Variants in LRRC63 observed in about 807,000 individuals in gnomAD.
LRRC63 encodes the protein leucine rich repeat containing 63, also known as leucine-rich repeat-containing protein 63.
Under a neutral mutation model 49.5 loss-of-function variants are expected in LRRC63, and 40 were observed. That is an observed-to-expected ratio of 0.81 (90% confidence interval 0.63 to 1.05). The LOEUF is 1.05. Ranked by LOEUF, LRRC63 falls within the 50% of genes least tolerant of loss-of-function variation. The probability of loss-of-function intolerance (pLI) is 0.00; values close to 1 mark genes in which losing one functional copy is unlikely to be tolerated. For missense variants in LRRC63, 636 were observed against 663.1 expected, an observed-to-expected ratio of 0.96 and a Z score of 0.45; for synonymous variants, 191 against 221.1, an observed-to-expected ratio of 0.86 and a Z score of 1.21.
At chr13:46,237,909 G>A (rs909131984) in intron 5 of LRRC63, among the ~76,000 whole-genome samples, 7 of 151,940 alleles carry the variant, frequency 4.6e-5, no homozygotes, top group Non-Finnish European at 7.4e-5. Context: ...AAAAAAATCC[G>A]AGCAGATGTT....
intron 5 of LRRC63, among the ~76,000 whole-genome samples, chr13:46,235,030 G>A (rs2046866499): frequency 6.6e-6 from 1 of 152,020 alleles, no homozygotes; most frequent in South Asian, 2.1e-4. Context: ...ACATATACTG[G>A]GAAATTTGGA....
intron 9 of LRRC63, among the ~76,000 whole-genome samples, chr13:46,268,212 T>G (rs1363259292): frequency 6.6e-6 from 1 of 152,002 alleles, no homozygotes; most frequent in Non-Finnish European, 1.5e-5. Flanking sequence ...AATATAATAG[T>G]TAACATTAAC....
At chr13:46,257,944 G>A (rs1322527004) in intron 7 of LRRC63, among the ~76,000 whole-genome samples, 1 of 150,758 alleles carries the variant, frequency 6.6e-6, no homozygotes, top group Non-Finnish European at 1.5e-5. Context: ...TATTATTTTG[G>A]TACCTTCTCA....
intron 2 of LRRC63, 100 bp downstream of exon 2, chr13:46,213,219 T>A: frequency 1.4e-6 from 1 of 703,266 alleles, no homozygotes; most frequent in Non-Finnish European, 2.3e-6. Flanking sequence ...CACTCACTAA[T>A]AACTTACAAA....
chr13:46,234,218 T>G, exon 5 of LRRC63: 7 of 1,549,486 alleles, frequency 4.5e-6, no homozygotes, highest in Non-Finnish European at 6.1e-6. Context: ...AAAAATAGAA[T>G]CAGAGATACA....
rs1998724 is a variant in LRRC63, at chr13:46,246,711, A to G, written c.1089+86A>G. On this transcript the variant is annotated intron_variant, in intron 6 of 9. Transcript: ENST00000595396. ...AAATAGACGTCTTTTAATACCTTGA[A>G]GTTACTATAAAGTACTGTAAATGTA... 11,418 of 591,288 alleles carry G rather than the reference A, an allele frequency of 0.019. 1,039 individuals carry two copies. The African/African-American group carries it at 0.2, about 10-fold the overall frequency. The allele number at this position is 591,288 out of a possible 1,614,324, so 36.6% of individuals were successfully genotyped here.
intron 2 of LRRC63, among the ~76,000 whole-genome samples, chr13:46,220,615 CTA>C (rs2046378594): frequency 6.7e-6 from 1 of 149,972 alleles, no homozygotes; most frequent in Admixed American, 6.7e-5. Flanking sequence ...GTGAACAGTT[CTA>C]TCTCTCTGGC....
At chr13:46,239,482 A>T (rs2046994341) in intron 5 of LRRC63, among the ~76,000 whole-genome samples, 1 of 152,116 alleles carries the variant, frequency 6.6e-6, no homozygotes, top group Admixed American at 6.6e-5. Flanking sequence ...CTCCAAAACT[A>T]AATCAGTAAT....
intron 5 of LRRC63, among the ~76,000 whole-genome samples, chr13:46,237,696 A>G (rs2046941990): frequency 6.6e-6 from 1 of 152,208 alleles, no homozygotes; most frequent in Non-Finnish European, 1.5e-5. Context: ...TAAACAAATC[A>G]TTAGCTAGAC....
At chr13:46,228,112 G>C (rs2046632409) in exon 3 of LRRC63, 1 of 1,550,442 alleles carries the variant, frequency 6.4e-7, no homozygotes, top group Admixed American at 2.0e-5. Flanking sequence ...TTGACACTAA[G>C]AGTTACTGAA....
intron 5 of LRRC63, among the ~76,000 whole-genome samples, chr13:46,242,664 C>G (rs542658009): frequency 6.0e-4 from 90 of 150,778 alleles, no homozygotes; most frequent in African/African-American, 2.0e-3. Flanking sequence ...ATTTGAAGCA[C>G]AAAGAATAAA....
At chr13:46,232,095 G>A (rs944174621) in intron 4 of LRRC63, among the ~76,000 whole-genome samples, 6 of 152,140 alleles carry the variant, frequency 3.9e-5, no homozygotes, top group East Asian at 1.9e-4. Context: ...GATTACAGGC[G>A]TGAGCCACTG....
intron 5 of LRRC63, among the ~76,000 whole-genome samples, chr13:46,243,661 G>C (rs1302928550): frequency 6.6e-6 from 1 of 152,084 alleles, no homozygotes; most frequent in Non-Finnish European, 1.5e-5. Flanking sequence ...GACAAGGAGG[G>C]CCATCGTATA....
intron 2 of LRRC63, among the ~76,000 whole-genome samples, chr13:46,225,434 G>A (rs993722750): frequency 1.3e-5 from 2 of 152,196 alleles, no homozygotes; most frequent in Non-Finnish European, 2.9e-5. Flanking sequence ...AGGAGGAGAT[G>A]TCCTGTTCTC....
chr13:46,223,785 G>T (rs2046486836), intron 2 of LRRC63, among the ~76,000 whole-genome samples: 2 of 152,114 alleles, frequency 1.3e-5, no homozygotes, highest in Admixed American at 1.3e-4. Context: ...GAACATGGGA[G>T]GTGGAGGTTG....
intron 7 of LRRC63, among the ~76,000 whole-genome samples, chr13:46,258,116 G>GACCT (rs2047545751): frequency 6.8e-6 from 1 of 146,284 alleles, no homozygotes; most frequent in Non-Finnish European, 1.5e-5. Flanking sequence ...GCAAGCCAGT[G>GACCT]ACCTACTCTT....
At chr13:46,228,213 TA>T in intron 3 of LRRC63, 24 bp downstream of exon 3, 3 of 1,485,906 alleles carry the variant, frequency 2.0e-6, no homozygotes, top group Non-Finnish European at 9.0e-7. Context: ...GAACACGGTA[TA>T]ATTATAGAGT....
At chr13:46,239,628 A>T (rs1021817151) in intron 5 of LRRC63, among the ~76,000 whole-genome samples, 1 of 152,196 alleles carries the variant, frequency 6.6e-6, no homozygotes, top group Admixed American at 6.5e-5. Context: ...CTCCTCCCTA[A>T]CTGATTCAGT....
At chr13:46,213,295 G>C (rs1206755812) in intron 2 of LRRC63, among the ~76,000 whole-genome samples, 176 bp downstream of exon 2, 1 of 152,136 alleles carries the variant, frequency 6.6e-6, no homozygotes, top group Non-Finnish European at 1.5e-5. Context: ...CTTATTGGTG[G>C]ACTTAGTAGA....
Sources: allele counts gnomAD v4.1 joint callset (sites outside exome capture counted in the v4.1 genomes callset), GRCh38; gene constraint gnomAD v4.1.1; transcripts MANE v1.5; gene names NCBI Gene and HGNC (gene_info 2026-07-23, HGNC 2026-07-21).